The following DTD1 variants were observed in gnomAD, a reference collection of about 807,000 sequenced individuals.
DTD1 encodes D-tyrosyl-tRNA deacylase 1 homolog.
DTD1 carries 13 observed loss-of-function variants against 25.6 expected under a neutral mutation model. That is an observed-to-expected ratio of 0.51 (90% CI 0.33 to 0.81). The LOEUF (loss-of-function observed/expected upper bound fraction) is 0.81, where lower values mean the gene tolerates loss of function less well. Ranked by LOEUF, DTD1 falls within the 30% of genes least tolerant of loss-of-function variation. The probability of loss-of-function intolerance (pLI) is 0.02; values close to 1 mark genes in which losing one functional copy is unlikely to be tolerated. For synonymous variants in DTD1, 110 were observed against 103.6 expected, an observed-to-expected ratio of 1.06 and a Z score of -0.37; for missense variants, 193 against 266.4, an observed-to-expected ratio of 0.72 and a Z score of 1.92.
At chr20:18,653,845 GAACA>G (rs1317609664) in intron 4 of DTD1, among the ~76,000 whole-genome samples, 2 of 152,184 alleles carry the variant, frequency 1.3e-5, no homozygotes, top group Admixed American at 6.5e-5. Flanking sequence ...ACACATTTGA[GAACA>G]AACAGTTTTA....
At chr20:18,758,768 T>C (rs1051579882) in intron 5 of DTD1, among the ~76,000 whole-genome samples, 30 of 152,354 alleles carry the variant, frequency 2.0e-4, no homozygotes, top group African/African-American at 7.0e-4. Context: ...TGGAGAGTTC[T>C]GTAGATGTCT....
intron 4 of DTD1, among the ~76,000 whole-genome samples, chr20:18,664,881 C>G (rs1849703460): frequency 6.7e-6 from 1 of 148,958 alleles, no homozygotes; most frequent in African/African-American, 2.4e-5. Flanking sequence ...CTAGTTGCCT[C>G]AAATCCCATC....
intron 4 of DTD1, among the ~76,000 whole-genome samples, chr20:18,679,414 A>G (rs1006801829): frequency 5.9e-5 from 9 of 152,240 alleles, no homozygotes; most frequent in Non-Finnish European, 5.9e-5. Flanking sequence ...TTAATTTGCC[A>G]CTAGTGTCTT....
At chr20:18,730,836 T>C (rs1423404734) in intron 4 of DTD1, among the ~76,000 whole-genome samples, 1 of 152,232 alleles carries the variant, frequency 6.6e-6, no homozygotes, top group African/African-American at 2.4e-5. Flanking sequence ...ATTTTCTGAA[T>C]ATTTGCGTGT....
At chr20:18,616,997 G>C (rs1027908244) in intron 3 of DTD1, among the ~76,000 whole-genome samples, 1 of 151,898 alleles carries the variant, frequency 6.6e-6, no homozygotes, top group African/African-American at 2.4e-5. Flanking sequence ...ATTCTCTCTG[G>C]GCTCTTTCCC....
chr20:18,661,153 T>C (rs2060908273), intron 4 of DTD1, among the ~76,000 whole-genome samples: 1 of 152,214 alleles, frequency 6.6e-6, no homozygotes. Flanking sequence ...TGTAGCTTCA[T>C]AGTAAGCCAT....
chr20:18,696,815 A>G (rs2061079270), intron 4 of DTD1, among the ~76,000 whole-genome samples: 1 of 151,804 alleles, frequency 6.6e-6, no homozygotes, highest in Non-Finnish European at 1.5e-5. Flanking sequence ...CGGCCTCCCA[A>G]AGTGCTGGGA....
chr20:18,625,016 A>G (rs56248135), intron 3 of DTD1, among the ~76,000 whole-genome samples: 180 of 152,294 alleles, frequency 1.2e-3, no homozygotes, highest in Middle Eastern at 3.4e-3. Context: ...GGGTCCTCCA[A>G]TCCTTCTTGC....
chr20:18,686,168 T>C (rs750946778), intron 4 of DTD1, among the ~76,000 whole-genome samples: 4 of 152,266 alleles, frequency 2.6e-5, no homozygotes, highest in Non-Finnish European at 5.9e-5. Context: ...CGTTGAGATA[T>C]AGAATATCCA....
Position 18,626,868 on chromosome 20 carries a change from C to T in DTD1, c.371-1259C>T, listed in dbSNP as rs544556688. Among the ~76,000 whole-genome samples, 36 of 152,342 alleles carry T rather than the reference C, an allele frequency of 2.4e-4. 1 individual carries two copies. In the East Asian group the frequency reaches 6.9e-3, roughly 29 times the overall value. On this transcript the variant is annotated intron_variant, in intron 3 of 5. Transcript: ENST00000377452. The stretch of plus-strand genomic sequence containing the variant: ...AGAAATTCAAGGTCGGAAATAATTC[C>T]TGTCCTCTTGAGCCTGCCTTCAGCC...
chr20:18,749,846 C>T lies in DTD1; in HGVS notation c.*19+5575C>T, dbSNP rs1366867070. On this transcript the variant is annotated intron_variant, in intron 5 of 5. Coordinates refer to ENST00000377452, the MANE Select transcript of DTD1 (RefSeq NM_080820.6). The surrounding 1 kb of genome is among the most constrained non-coding windows in gnomAD (Gnocchi z 4.2). ...CAGGAACGCCCCTATTGCTACTCAGCGCATGGAGGCTCATGAACAAGTTTA... is the reference window on the plus strand; with the variant it reads ...CAGGAACGCCCCTATTGCTACTCAGTGCATGGAGGCTCATGAACAAGTTTA... 5.9e-5 allele frequency among the ~76,000 whole-genome samples: 9 copies of T among 152,172 alleles called. No individual in the cohort carries two copies. Among genetic ancestry groups the T allele is most frequent in the Non-Finnish European group, 1.2e-4 (8 of 68,030 alleles).
chr20:18,754,170 A>G (rs540294985), intron 5 of DTD1, among the ~76,000 whole-genome samples: 1 of 152,374 alleles, frequency 6.6e-6, no homozygotes, highest in East Asian at 1.9e-4. Context: ...TGAAGCCAGA[A>G]GCAGGTCAGT....
chr20:18,635,398 C>A (rs1428243004), intron 4 of DTD1, among the ~76,000 whole-genome samples: 1 of 152,190 alleles, frequency 6.6e-6, no homozygotes, highest in African/African-American at 2.4e-5. Flanking sequence ...CCTACCAGGG[C>A]TAGGGCGCCA....
At chr20:18,698,283 C>T (rs1359287077) in intron 4 of DTD1, among the ~76,000 whole-genome samples, 1 of 152,192 alleles carries the variant, frequency 6.6e-6, no homozygotes, top group African/African-American at 2.4e-5. Flanking sequence ...TAGAGTCTGT[C>T]GAACCCCTAT....
intron 4 of DTD1, among the ~76,000 whole-genome samples, chr20:18,724,770 A>C (rs574901355): frequency 6.6e-6 from 1 of 152,398 alleles, no homozygotes; most frequent in Admixed American, 6.5e-5. Flanking sequence ...AAAATATTTG[A>C]AAATGTTTTT....
intron 4 of DTD1, among the ~76,000 whole-genome samples, chr20:18,716,478 TG>T (rs2061181201): frequency 6.6e-6 from 1 of 152,210 alleles, no homozygotes; most frequent in Non-Finnish European, 1.5e-5. Flanking sequence ...GGGAGGCCCA[TG>T]GACTTGTCCA....
intron 3 of DTD1, among the ~76,000 whole-genome samples, chr20:18,613,395 C>T (rs998166395): frequency 2.8e-4 from 42 of 152,162 alleles, no homozygotes; most frequent in Non-Finnish European, 1.3e-4. Context: ...CTAAAACTCT[C>T]AGGGCTTATG....
In DTD1 at chr20:18,634,534, G is replaced by A. The variant is rs367665957; in HGVS notation, c.477+6301G>A. Reference sequence around the variant, plus strand: ...AAATCACTGGGATGAGTTGGCTAGCGAAACACGGTGCCTTCAATTTTACGG... The same window carrying A: ...AAATCACTGGGATGAGTTGGCTAGCAAAACACGGTGCCTTCAATTTTACGG... On this transcript the variant is annotated intron_variant, in intron 4 of 5. Coordinates refer to ENST00000377452, the MANE Select transcript of DTD1 (RefSeq NM_080820.6). Among the ~76,000 whole-genome samples, 4 of 152,206 alleles carry A rather than the reference G, an allele frequency of 2.6e-5. No homozygotes were observed. In the East Asian group the frequency reaches 5.8e-4, roughly 22 times the overall value.
At chr20:18,748,035 C>T (rs896589761) in intron 5 of DTD1, among the ~76,000 whole-genome samples, 15 of 151,904 alleles carry the variant, frequency 9.9e-5, no homozygotes, top group South Asian at 4.2e-4. Context: ...AACAAACAAA[C>T]GAACAAAACA....
Sources: allele counts gnomAD v4.1 joint callset (sites outside exome capture counted in the v4.1 genomes callset), GRCh38; gene constraint gnomAD v4.1.1; non-coding constraint Gnocchi (gnomAD v3.1); transcripts MANE v1.5; gene names NCBI Gene and HGNC (gene_info 2026-07-23, HGNC 2026-07-21).